Variants in ABHD4 observed in about 807,000 individuals in gnomAD.
The protein encoded by ABHD4 is abhydrolase domain containing 4, N-acyl phospholipase B, also known as (Lyso)-N-acylphosphatidylethanolamine lipase.
In ABHD4, 35 loss-of-function variants were observed where a neutral mutation model predicts 42.3. The observed-to-expected ratio is 0.83, with a 90% CI of 0.63 to 1.10. ABHD4 has a LOEUF of 1.10. ABHD4 is among the 50% of genes least tolerant of loss of function. ABHD4 has a pLI of 0.00. For synonymous variants in ABHD4, 169 were observed against 170.6 expected (o/e 0.99, Z 0.07); for missense variants, 389 against 454.8 (o/e 0.86, Z 1.32).
intron 6 of ABHD4, 94 bp downstream of exon 6, chr14:22,610,004 A>G (rs189999863): frequency 8.2e-6 from 10 of 1,216,204 alleles, no homozygotes; most frequent in African/African-American, 6.1e-5. Flanking sequence ...AGAAAGAGGA[A>G]TGGACAGACT....
chr14:22,607,331 C>G (rs757572299), intron 5 of ABHD4, among the ~76,000 whole-genome samples: 3 of 152,162 alleles, frequency 2.0e-5, no homozygotes, highest in Non-Finnish European at 4.4e-5. Context: ...TGCCCTGTGA[C>G]TGGCTGATAC....
At chr14:22,609,333 GATTA>G (rs1244743712) in intron 5 of ABHD4, among the ~76,000 whole-genome samples, 1 of 152,140 alleles carries the variant, frequency 6.6e-6, no homozygotes, top group African/African-American at 2.4e-5. Context: ...TTAATCATAT[GATTA>G]GTTACTTAAT....
chr14:22,603,972 C>G lies in ABHD4; in HGVS notation c.533C>G (p.Pro178Arg). ...LVDPWGFPLR[P>R]TNPSEIRAPP... ...GACCCATGGGGCTTTCCCCTCCGAC[C>G]AACTAACCCCAGTGAGATCCGTGCA... is the stretch of plus-strand genomic sequence containing the variant. Residue 178 changes from proline (P) to arginine (R), a missense_variant, in exon 4 of 7, where the codon CCA (proline) becomes CGA (arginine). Around this residue, in one of 3 missense-constraint regions of ABHD4, gnomAD observed 249 missense variants for 254.4 expected, o/e 0.98. Coordinates refer to ENST00000428304, the MANE Select transcript of ABHD4 (RefSeq NM_022060.3). The G allele has an allele frequency of 6.2e-7, 1 of 1,614,210 alleles. No homozygotes were observed. Among genetic ancestry groups the G allele is most frequent in the Non-Finnish European group, 8.5e-7 (1 of 1,180,048 alleles).
In ABHD4 at chr14:22,611,491, T is replaced by C. The variant is rs1303148220; in HGVS notation, c.*543T>C. 1 of 156,408 alleles carries C rather than the reference T, an allele frequency of 6.4e-6. No individual in the cohort carries two copies. Among genetic ancestry groups the C allele is most frequent in the Admixed American group, 6.2e-5 (1 of 16,234 alleles). 9.7% of individuals were successfully genotyped at this position (156,408 alleles called of 1,614,324 possible). A position where few individuals can be genotyped will look rare whatever the true frequency, so the allele number is the denominator to read the frequency against. On this transcript the variant is annotated 3_prime_UTR_variant, in exon 7 of 7. Transcript: ENST00000428304. Reference sequence around the variant, plus strand: ...CCTTTTCATGACCTAGGAGGTCTTATTCAAAGCCCTCATTGACAGAGGAGG... The same window carrying C: ...CCTTTTCATGACCTAGGAGGTCTTACTCAAAGCCCTCATTGACAGAGGAGG...
chr14:22,598,426 C>A, intron 1 of ABHD4, 97 bp downstream of exon 1: 1 of 1,549,344 alleles, frequency 6.5e-7, no homozygotes. Flanking sequence ...GACACCTTCC[C>A]GCTCTTCCTT....
chr14:22,607,031 T>C (rs1267168372), intron 5 of ABHD4, among the ~76,000 whole-genome samples: 2 of 152,222 alleles, frequency 1.3e-5, no homozygotes, highest in East Asian at 1.9e-4. Context: ...TCCATGTACA[T>C]ATTCCTTTGT....
At chr14:22,604,828 T>C (rs1204952008) in intron 4 of ABHD4, among the ~76,000 whole-genome samples, 4 of 152,036 alleles carry the variant, frequency 2.6e-5, no homozygotes, top group Admixed American at 2.6e-4. Flanking sequence ...TAGGCTGGTC[T>C]TGAACTCCTA....
rs1381093337 is a variant in ABHD4, at chr14:22,603,667, A to G, written c.390A>G (p.Thr130=). The G allele has an allele frequency of 6.2e-7, 1 of 1,613,860 alleles. No individual in the cohort carries two copies. The change falls in exon 3 of 7, where the codon ACA becomes ACG. Residue 130 remains threonine, a synonymous_variant. Coordinates refer to ENST00000428304, the MANE Select transcript of ABHD4 (RefSeq NM_022060.3). ...ATGAGTTTGTGACATCGATAGAGAC[A>G]TGGCGGGAGACCATGGGGATCCCCA... is the stretch of plus-strand genomic sequence containing the variant. ...AEDEFVTSIE[T]WRETMGIPSM...
intron 5 of ABHD4, among the ~76,000 whole-genome samples, chr14:22,607,730 T>G (rs1178140363): frequency 3.3e-5 from 5 of 152,172 alleles, no homozygotes; most frequent in African/African-American, 4.8e-5. Flanking sequence ...CCTAGCCCTT[T>G]CCCCAGAACT....
intron 1 of ABHD4, chr14:22,600,174 T>G (rs980015935): frequency 5.9e-5 from 27 of 455,896 alleles, no homozygotes; most frequent in Non-Finnish European, 1.1e-4. Context: ...CTAAATAATG[T>G]GCCCACAGTC....
In ABHD4 at chr14:22,604,094, G is replaced by T. The variant is rs926402391; in HGVS notation, c.640+15G>T. On this transcript the variant is annotated intron_variant, in intron 4 of 6. Transcript: ENST00000428304. The stretch of plus-strand genomic sequence containing the variant: ...TGGGCCCTGGGGTGAGTAGCCTGTA[G>T]TATCTCCTTAAAGGAAGGCTATAAC... 3.7e-6 allele frequency: 6 copies of T among 1,613,694 alleles called. No individual in the cohort carries two copies. The highest frequency in any genetic ancestry group is 5.1e-6 in the Non-Finnish European group (6 of 1,179,776).
chr14:22,603,348 G>C (rs761448766), intron 2 of ABHD4, 42 bp from the exon 3 acceptor site: 14 of 1,611,620 alleles, frequency 8.7e-6, no homozygotes, highest in Admixed American at 5.0e-5. Flanking sequence ...GATGCCGTCA[G>C]GAAACACTTA....
Position 22,609,776 on chromosome 14 carries a change from C to G in ABHD4, c.805C>G (p.Pro269Ala), listed in dbSNP as rs765533155. The change falls in exon 6 of 7, where the codon CCT becomes GCT. Residue 269 changes from proline to alanine, a missense_variant. Transcript: ENST00000428304. ...MMESFGWARR[P>A]MLERIHLIRK... ...GGAGTCCTTTGGCTGGGCCCGGCGC[C>G]CTATGCTGGAGCGAATTCACTTGAT... 3 of 1,614,114 alleles carry G rather than the reference C, an allele frequency of 1.9e-6. No homozygotes were observed. Among genetic ancestry groups the G allele is most frequent in the Non-Finnish European group, 2.5e-6 (3 of 1,180,024 alleles).
rs775399454 is a variant in ABHD4 at position 22,612,794 on chromosome 14, C to G, written c.*1846C>G. ...CTGATTCCCTAAACTAGACTCGGAC[C>G]CCTCTGTTCTGCATCTCTGTGGCAT... On this transcript the variant is annotated 3_prime_UTR_variant, in exon 7 of 7. Transcript: ENST00000428304. 5 of 152,192 alleles carry G rather than the reference C, an allele frequency of 3.3e-5. No homozygotes were observed. The highest frequency in any genetic ancestry group is 7.3e-5 in the Non-Finnish European group (5 of 68,040). 9.4% of individuals were successfully genotyped at this position (152,192 alleles called of 1,614,324 possible).
rs1042069845 is a variant in ABHD4, at chr14:22,611,124, G to A, written c.*176G>A. The A allele has an allele frequency of 3.2e-6, 2 of 615,576 alleles. No individual in the cohort carries two copies. Among genetic ancestry groups the A allele is most frequent in the Non-Finnish European group, 5.8e-6 (2 of 346,056 alleles). 38.1% of individuals were successfully genotyped at this position (615,576 alleles called of 1,614,324 possible). On this transcript the variant is annotated 3_prime_UTR_variant, in exon 7 of 7. Coordinates refer to ENST00000428304, the MANE Select transcript of ABHD4 (RefSeq NM_022060.3). ...GAACACTCTTGACCCTACACTGAAG[G>A]CTGAAGGCAGAAGCCACAAGAGGCC... is the stretch of plus-strand genomic sequence containing the variant.
chr14:22,600,833 T>G (rs1438218635), intron 1 of ABHD4, among the ~76,000 whole-genome samples: 47 of 30,330 alleles, frequency 1.5e-3, no homozygotes, highest in Admixed American at 3.4e-3. Context: ...AGCAGGGGGG[T>G]GTGTGTGTGT....
intron 4 of ABHD4, among the ~76,000 whole-genome samples, chr14:22,606,120 G>A (rs974186579): frequency 6.6e-6 from 1 of 152,154 alleles, no homozygotes; most frequent in African/African-American, 2.4e-5. Context: ...GATGGGGAGG[G>A]CTTGTGATTC....
At chr14:22,605,496 G>A (rs1251481822) in intron 4 of ABHD4, among the ~76,000 whole-genome samples, 1 of 152,228 alleles carries the variant, frequency 6.6e-6, no homozygotes, top group East Asian at 1.9e-4. Context: ...CTGAGAGAGA[G>A]GAAGGATACC....
At chr14:22,601,535 A>C (rs1487216449) in intron 1 of ABHD4, 132 bp from the exon 2 acceptor site, 1 of 757,492 alleles carries the variant, frequency 1.3e-6, no homozygotes, top group South Asian at 1.6e-5. Context: ...GCTGCCTGCC[A>C]TGGGGGGCAG....
Sources: gnomAD v4.1 joint callset for allele counts (sites outside exome capture counted in the v4.1 genomes callset) on GRCh38, gnomAD v4.1.1 for gene constraint, gnomAD v4.1.1 regional missense constraint, MANE v1.5 for transcripts, NCBI Gene and HGNC (gene_info 2026-07-23, HGNC 2026-07-21) for gene names.